CERS3: variants seen among roughly 807,000 people sequenced by gnomAD.
The protein encoded by CERS3 is ceramide synthase 3.
Under a neutral mutation model 50.3 loss-of-function variants are expected in CERS3, and 33 were observed. That is an observed-to-expected ratio of 0.66 (90% CI 0.50 to 0.88). The LOEUF (loss-of-function observed/expected upper bound fraction) is 0.88. CERS3 is among the 40% of genes least tolerant of loss of function. The probability of loss-of-function intolerance (pLI) is 0.00; values close to 1 mark genes in which losing one functional copy is unlikely to be tolerated. For missense variants in CERS3, 470 were observed against 460.3 expected, an observed-to-expected ratio of 1.02 and a Z score of -0.19; for synonymous variants, 176 against 155.2, an observed-to-expected ratio of 1.13 and a Z score of -0.99.
intron 11 of CERS3, among the ~76,000 whole-genome samples, chr15:100,407,997 G>A (rs1481455682): frequency 4.6e-5 from 7 of 152,088 alleles, no homozygotes; most frequent in Non-Finnish European, 1.0e-4. Context: ...TCAGCCCCCT[G>A]AGTAGCTGGG....
At chr15:100,516,852 C>A (rs2036503644) in intron 2 of CERS3, among the ~76,000 whole-genome samples, 2 of 152,182 alleles carry the variant, frequency 1.3e-5, no homozygotes, top group East Asian at 3.9e-4. Flanking sequence ...AAAGATGGGC[C>A]TCACCTGGGA....
At chr15:100,523,376 T>A (rs764964008) in intron 1 of CERS3, among the ~76,000 whole-genome samples, 9 of 152,160 alleles carry the variant, frequency 5.9e-5, no homozygotes, top group Non-Finnish European at 1.2e-4. Flanking sequence ...AATTTACAGA[T>A]CTTTTTCATC....
intron 11 of CERS3, among the ~76,000 whole-genome samples, chr15:100,451,046 T>A (rs550698775): frequency 6.6e-6 from 1 of 152,266 alleles, no homozygotes; most frequent in South Asian, 2.1e-4. Context: ...CTACAAGAAA[T>A]GCTTCAGGCA....
intron 11 of CERS3, among the ~76,000 whole-genome samples, chr15:100,438,098 G>A (rs12903965): frequency 1.4e-5 from 2 of 141,660 alleles, no homozygotes; most frequent in Admixed American, 7.4e-5. Flanking sequence ...GGAGTGGAGT[G>A]CAGTGGTGTG....
chr15:100,492,692 A>G (rs1464274147), intron 3 of CERS3, among the ~76,000 whole-genome samples: 2 of 152,182 alleles, frequency 1.3e-5, no homozygotes, highest in African/African-American at 4.8e-5. Context: ...ATTTACATTT[A>G]AAGTAATTCC....
chr15:100,537,341 C>G (rs143445183), intron 1 of CERS3, among the ~76,000 whole-genome samples: 97 of 152,278 alleles, frequency 6.4e-4, no homozygotes, highest in African/African-American at 2.2e-3. Context: ...AAATGTAGAC[C>G]AAGCTTGAGA....
intron 11 of CERS3, among the ~76,000 whole-genome samples, chr15:100,452,732 T>C (rs960821690): frequency 6.6e-6 from 1 of 151,810 alleles, no homozygotes; most frequent in Non-Finnish European, 1.5e-5. Flanking sequence ...TTTGAAAAGA[T>C]AGACAAAATA....
At chr15:100,538,410 A>C (rs1415235825) in intron 1 of CERS3, among the ~76,000 whole-genome samples, 1 of 152,210 alleles carries the variant, frequency 6.6e-6, no homozygotes, top group Admixed American at 6.5e-5. Context: ...TCCTGCAGCA[A>C]ATTTCTGCCT....
At chr15:100,479,551 G>A in intron 6 of CERS3, 73 bp from the exon 7 acceptor site, 3 of 1,109,208 alleles carry the variant, frequency 2.7e-6, no homozygotes, top group East Asian at 2.4e-5. Context: ...AATTTTGGCA[G>A]AAAACCTAAG....
At chr15:100,418,304 T>G (rs201166528) in intron 11 of CERS3, among the ~76,000 whole-genome samples, 37,815 of 151,510 alleles carry the variant, frequency 0.25, 5,107 homozygotes, top group East Asian at 0.42. Context: ...CAGAAGCCGA[T>G]GCGATCAACT....
chr15:100,453,715 T>C (rs1320327332), intron 11 of CERS3, among the ~76,000 whole-genome samples: 1 of 152,184 alleles, frequency 6.6e-6, no homozygotes, highest in Non-Finnish European at 1.5e-5. Context: ...ATTGTCCCTC[T>C]TTGCAGATGG....
At chr15:100,444,573 T>C (rs1164602156) in intron 11 of CERS3, among the ~76,000 whole-genome samples, 2 of 152,174 alleles carry the variant, frequency 1.3e-5, no homozygotes, top group African/African-American at 2.4e-5. Flanking sequence ...TCTTAGAACC[T>C]CTCATTTCCT....
At chr15:100,538,671 C>T (rs1157481521) in intron 1 of CERS3, among the ~76,000 whole-genome samples, 2 of 152,206 alleles carry the variant, frequency 1.3e-5, no homozygotes, top group Non-Finnish European at 2.9e-5. Context: ...CCATTTTTTC[C>T]TCCTAGGCCT....
chr15:100,519,427 A>G (rs1353265598), intron 2 of CERS3, among the ~76,000 whole-genome samples: 1 of 77,638 alleles, frequency 1.3e-5, no homozygotes, highest in Admixed American at 1.7e-4. Flanking sequence ...AAGGAAAGAA[A>G]TGTTCTGAAA....
chr15:100,410,179 C>A (rs549317197), intron 11 of CERS3, among the ~76,000 whole-genome samples: 2 of 152,300 alleles, frequency 1.3e-5, no homozygotes, highest in South Asian at 4.1e-4. Flanking sequence ...TTTTAGAAGT[C>A]TCTGCCCCCA....
intron 11 of CERS3, among the ~76,000 whole-genome samples, chr15:100,426,552 C>T (rs937443219): frequency 1.3e-5 from 2 of 152,150 alleles, no homozygotes; most frequent in Admixed American, 6.5e-5. Flanking sequence ...CTGGAATATA[C>T]CATCTGTCTT....
intron 1 of CERS3, among the ~76,000 whole-genome samples, chr15:100,538,379 G>T (rs2037122080): frequency 6.6e-6 from 1 of 152,218 alleles, no homozygotes; most frequent in Non-Finnish European, 1.5e-5. Context: ...CCCTAGCAGA[G>T]GTACTCCATG....
chr15:100,420,564 C>T (rs2032346920), intron 11 of CERS3, among the ~76,000 whole-genome samples: 1 of 151,960 alleles, frequency 6.6e-6, no homozygotes, highest in Non-Finnish European at 1.5e-5. Context: ...AAGAGGGAAT[C>T]CTCCCTAACT....
intron 8 of CERS3, among the ~76,000 whole-genome samples, chr15:100,475,107 G>C (rs769252427): frequency 2.0e-5 from 3 of 152,016 alleles, no homozygotes; most frequent in African/African-American, 7.2e-5. Context: ...TCTATCCCTG[G>C]AAAAAATGAC....
Sources: gnomAD v4.1 joint callset for allele counts (sites outside exome capture counted in the v4.1 genomes callset) on GRCh38, gnomAD v4.1.1 for gene constraint, MANE v1.5 for transcripts, NCBI Gene and HGNC (gene_info 2026-07-23, HGNC 2026-07-21) for gene names.